Variants in TAFA1 observed in about 807,000 individuals in gnomAD.
TAFA1 encodes TAFA chemokine like family member 1, also known as chemokine-like protein TAFA-1.
A neutral mutation model predicts 18.5 loss-of-function variants in TAFA1; 4 were observed. The observed-to-expected ratio is 0.22, with a 90% CI of 0.11 to 0.49. The LOEUF (loss-of-function observed/expected upper bound fraction) is 0.49. Among genes scored for constraint, TAFA1 ranks in the 20% least tolerant of loss-of-function variants. TAFA1 has a pLI of 0.98. For synonymous variants in TAFA1, 56 were observed against 55.2 expected (o/e 1.01, Z -0.06); for missense variants, 147 against 169.0 (o/e 0.87, Z 0.72).
chr3:68,370,333 T>TACACACACACACAC (rs2069661980), intron 2 of TAFA1, among the ~76,000 whole-genome samples: 2 of 63,028 alleles, frequency 3.2e-5, no homozygotes, highest in Non-Finnish European at 5.5e-5. Flanking sequence ...TATATATATA[T>TACACACACACACAC]ATATATATAT....
chr3:68,469,122 G>A (rs114765261), intron 3 of TAFA1, among the ~76,000 whole-genome samples: 13 of 151,048 alleles, frequency 8.6e-5, no homozygotes, highest in Admixed American at 3.3e-4. Flanking sequence ...GTATTTTTAC[G>A]GTTTTTAAAA....
chr3:68,254,155 A>G (rs112571787), intron 2 of TAFA1, among the ~76,000 whole-genome samples: 3,122 of 118,490 alleles, frequency 0.026, 33 homozygotes, highest in Non-Finnish European at 0.033. Context: ...CTATCTATCT[A>G]TCTGTCTATC....
At position 68,538,855 on chromosome 3, in the gene TAFA1, C is replaced by G. The variant is rs911725304; in HGVS notation, c.359C>G (p.Thr120Arg). 11 of 1,613,516 alleles carry G rather than the reference C, an allele frequency of 6.8e-6. No individual in the cohort carries two copies. The highest frequency in any genetic ancestry group is 9.3e-6 in the Non-Finnish European group (11 of 1,179,608). Residue 120 changes from threonine (T) to arginine (R), a missense_variant, in exon 4 of 5, where the codon ACA becomes AGA. By Grantham distance (71) the Thr-to-Arg change is moderately conservative. Transcript: ENST00000478136. The part of the protein sequence containing the change: ...LPDNSGWMCA[T>R]GNKIKTTRIH... ...GACAATTCTGGATGGATGTGCGCAA[C>G]AGGCAACAAAATTAAGACCACGAGA...
At chr3:68,479,241 A>AAAAAAAAAATAT (rs1353493315) in intron 3 of TAFA1, among the ~76,000 whole-genome samples, 14 of 123,666 alleles carry the variant, frequency 1.1e-4, no homozygotes, top group African/African-American at 5.0e-4. Context: ...AAAAAAAAAA[A>AAAAAAAAAATAT]ATATATATAT....
chr3:68,081,720 G>T (rs1404080478), intron 2 of TAFA1, among the ~76,000 whole-genome samples: 1 of 152,170 alleles, frequency 6.6e-6, no homozygotes, highest in African/African-American at 2.4e-5. Context: ...CGTCAAAGCT[G>T]TCAGACAGGG....
intron 2 of TAFA1, among the ~76,000 whole-genome samples, chr3:68,235,908 G>A (rs1382646023): frequency 2.0e-5 from 3 of 152,176 alleles, no homozygotes; most frequent in East Asian, 1.9e-4. Context: ...TCCTCACAAA[G>A]GTTGAGTATC....
chr3:68,543,283 G>A (rs1375012803), intron 4 of TAFA1, among the ~76,000 whole-genome samples: 1 of 152,130 alleles, frequency 6.6e-6, no homozygotes, highest in African/African-American at 2.4e-5. Flanking sequence ...TTGGTGGCAG[G>A]AAGAGGAAGA....
chr3:68,348,390 A>G (rs1304953770), intron 2 of TAFA1, among the ~76,000 whole-genome samples: 1 of 152,196 alleles, frequency 6.6e-6, no homozygotes, highest in African/African-American at 2.4e-5. Context: ...ACACAGTCAC[A>G]TACAATGTCT....
At chr3:68,376,288 T>C (rs543319499) in intron 2 of TAFA1, among the ~76,000 whole-genome samples, 13 of 152,158 alleles carry the variant, frequency 8.5e-5, no homozygotes, top group South Asian at 4.1e-4. Context: ...GGGGTACATA[T>C]GCAGGTTTGT....
At position 68,476,946 on chromosome 3, in the gene TAFA1, A is replaced by G. The variant is rs1006068570; in HGVS notation, c.259+59526A>G. ...TTAAAAGGCTGCTGGAATTTACACAAGGTAAATACACCCATGTATCCAGCA... is the reference window on the plus strand; with the variant it reads ...TTAAAAGGCTGCTGGAATTTACACAGGGTAAATACACCCATGTATCCAGCA... On this transcript the variant is annotated intron_variant, in intron 3 of 4. Coordinates refer to ENST00000478136, the MANE Select transcript of TAFA1 (RefSeq NM_213609.4). Among the ~76,000 whole-genome samples, 6 of 152,328 alleles carry G rather than the reference A, an allele frequency of 3.9e-5. No homozygotes were observed. The South Asian group carries it at 1.2e-3, about 32-fold the overall frequency.
chr3:68,518,637 T>G (rs569809735), intron 3 of TAFA1, among the ~76,000 whole-genome samples: 11 of 152,304 alleles, frequency 7.2e-5, no homozygotes, highest in African/African-American at 2.6e-4. Context: ...AACTAGGCAT[T>G]CTGGGAATCA....
intron 2 of TAFA1, among the ~76,000 whole-genome samples, chr3:68,187,893 G>A (rs1319148960): frequency 6.6e-6 from 1 of 151,828 alleles, no homozygotes; most frequent in East Asian, 1.9e-4. Context: ...GCTTTAATTT[G>A]CATTTTGTTA....
intron 2 of TAFA1, among the ~76,000 whole-genome samples, chr3:68,370,363 C>CACACATATATAT: frequency 1.7e-5 from 1 of 58,596 alleles, no homozygotes; most frequent in Non-Finnish European, 3.3e-5. Context: ...TACACACACA[C>CACACATATATAT]ACACATATAT....
At chr3:68,332,225 G>GA (rs1011330943) in intron 2 of TAFA1, among the ~76,000 whole-genome samples, 129 of 143,088 alleles carry the variant, frequency 9.0e-4, no homozygotes, top group African/African-American at 2.5e-3. Flanking sequence ...AAAGAAAACA[G>GA]AAAAAAAAAA....
chr3:68,095,256 T>A (rs948408524), intron 2 of TAFA1, among the ~76,000 whole-genome samples: 12 of 152,184 alleles, frequency 7.9e-5, no homozygotes, highest in Non-Finnish European at 1.6e-4. Flanking sequence ...AATCCTTTGA[T>A]CTTGATATCA....
At chr3:68,287,959 T>C (rs1294578715) in intron 2 of TAFA1, among the ~76,000 whole-genome samples, 10 of 151,170 alleles carry the variant, frequency 6.6e-5, no homozygotes, top group Admixed American at 6.6e-4. Context: ...CTAAAATGAT[T>C]AGATCCATTT....
chr3:68,272,513 A>G (rs1477523466), intron 2 of TAFA1, among the ~76,000 whole-genome samples: 3 of 152,196 alleles, frequency 2.0e-5, no homozygotes, highest in African/African-American at 7.2e-5. Flanking sequence ...ATGGGATGCA[A>G]TAAATGGAAC....
chr3:68,308,927 C>A (rs1336245737), intron 2 of TAFA1, among the ~76,000 whole-genome samples: 1 of 152,154 alleles, frequency 6.6e-6, no homozygotes, highest in African/African-American at 2.4e-5. Context: ...CTTCCTACTG[C>A]TCCAATCTTT....
At chr3:68,435,866 A>T (rs537272461) in intron 3 of TAFA1, among the ~76,000 whole-genome samples, 10 of 152,276 alleles carry the variant, frequency 6.6e-5, no homozygotes, top group Non-Finnish European at 1.5e-4. Context: ...ATATAAGGGA[A>T]ATTAAAGAGT....
Sources: allele counts gnomAD v4.1 joint callset (sites outside exome capture counted in the v4.1 genomes callset), GRCh38; gene constraint gnomAD v4.1.1; transcripts MANE v1.5; gene names NCBI Gene and HGNC (gene_info 2026-07-23, HGNC 2026-07-21).